Variants in CFAP52 observed in about 807,000 individuals in gnomAD.
CFAP52 encodes the protein cilia and flagella associated protein 52.
Under a neutral mutation model 70.5 loss-of-function variants are expected in CFAP52, and 57 were observed. The observed-to-expected ratio is 0.81, with a 90% CI of 0.65 to 1.01. The LOEUF is 1.01. Ranked by LOEUF, CFAP52 falls within the 50% of genes least tolerant of loss-of-function variation. CFAP52 has a pLI of 0.00. For synonymous variants in CFAP52, 267 were observed against 292.5 expected (o/e 0.91, Z 0.89); for missense variants, 785 against 788.5 (o/e 1.00, Z 0.05).
chr17:9,588,552 CT>C (rs1178907263), intron 3 of CFAP52, among the ~76,000 whole-genome samples: 4 of 152,122 alleles, frequency 2.6e-5, no homozygotes, highest in Admixed American at 6.5e-5. Context: ...CCCGAGTGTT[CT>C]TTCTGCTCAT....
intron 3 of CFAP52, among the ~76,000 whole-genome samples, chr17:9,588,299 AAG>A (rs1367085897): frequency 6.6e-6 from 1 of 152,104 alleles, no homozygotes; most frequent in Non-Finnish European, 1.5e-5. Context: ...CGCCCAGAGA[AAG>A]AGAGAGAGCC....
At chr17:9,576,824 A>G in intron 1 of CFAP52, 59 bp downstream of exon 1, 1 of 1,565,098 alleles carries the variant, frequency 6.4e-7, no homozygotes, top group Non-Finnish European at 8.7e-7. Flanking sequence ...CGTGTAGTGC[A>G]AACAGGAATA....
intron 6 of CFAP52, among the ~76,000 whole-genome samples, chr17:9,601,468 G>T (rs1909266867): frequency 6.6e-6 from 1 of 152,064 alleles, no homozygotes; most frequent in East Asian, 1.9e-4. Flanking sequence ...AAAGCATAGG[G>T]CCTATTGCTT....
intron 3 of CFAP52, 53 bp from the exon 4 acceptor site, chr17:9,594,140 A>T (rs1356253504): frequency 2.0e-6 from 3 of 1,523,986 alleles, no homozygotes; most frequent in Non-Finnish European, 1.8e-6. Context: ...TTCTTATTTT[A>T]AAAGCCTGTT....
At chr17:9,615,864 T>G (rs1305205421) in intron 8 of CFAP52, among the ~76,000 whole-genome samples, 1 of 134,736 alleles carries the variant, frequency 7.4e-6, no homozygotes, top group Admixed American at 8.7e-5. Flanking sequence ...GGTTTTCAAC[T>G]GCCATCCTCA....
chr17:9,612,762 T>C (rs1471192128), intron 8 of CFAP52, among the ~76,000 whole-genome samples: 2 of 152,130 alleles, frequency 1.3e-5, no homozygotes, highest in Admixed American at 6.6e-5. Context: ...CTTAATCCCA[T>C]CCAGAGAAAG....
chr17:9,630,316 C>T (rs923858661), intron 9 of CFAP52, among the ~76,000 whole-genome samples: 66 of 150,588 alleles, frequency 4.4e-4, no homozygotes, highest in African/African-American at 1.6e-3. Context: ...CGGTGGCTCA[C>T]GCCTGTAATC....
At chr17:9,597,020 C>T (rs1909049088) in intron 4 of CFAP52, among the ~76,000 whole-genome samples, 1 of 152,012 alleles carries the variant, frequency 6.6e-6, no homozygotes, top group Non-Finnish European at 1.5e-5. Context: ...GCCTGGCCCT[C>T]CTCCTCCTGT....
rs370454094 is a variant in CFAP52 at position 9,576,666 on chromosome 17, G to T, written c.-30G>T. 21 of 1,593,168 alleles carry T rather than the reference G, an allele frequency of 1.3e-5. 1 individual carries two copies. In the East Asian group the frequency reaches 1.4e-4, roughly 10 times the overall value. ...CAGAAGACGCTGCAGCCACTAGGGA[G>T]GAGAGCAAAGTAATCAGAACCTCCC... On this transcript the variant is annotated 5_prime_UTR_variant, in exon 1 of 14. It adds an upstream start codon to the 5' untranslated region. Transcript: ENST00000352665.
chr17:9,578,318 A>AACTG (rs1908058209), intron 1 of CFAP52, among the ~76,000 whole-genome samples: 1 of 152,190 alleles, frequency 6.6e-6, no homozygotes. Context: ...TTAAGTGGGA[A>AACTG]GCCTCAGTAA....
intron 12 of CFAP52, chr17:9,639,103 C>G (rs1347958873): frequency 5.1e-6 from 1 of 195,262 alleles, no homozygotes; most frequent in Non-Finnish European, 1.1e-5. Flanking sequence ...AGCTCCTCAT[C>G]TCTCAGCACT....
intron 9 of CFAP52, among the ~76,000 whole-genome samples, chr17:9,632,447 C>T (rs1384372065): frequency 6.6e-6 from 1 of 151,914 alleles, no homozygotes; most frequent in Non-Finnish European, 1.5e-5. Context: ...TTTTAAAAGG[C>T]CACACTGATC....
intron 12 of CFAP52, 105 bp from the exon 13 acceptor site, chr17:9,641,619 T>C: frequency 1.4e-6 from 1 of 724,362 alleles, no homozygotes; most frequent in East Asian, 2.7e-5. Flanking sequence ...TCCCGTGGTG[T>C]ATTTTTGCTC....
chr17:9,584,748 A>C (rs1448505276), intron 1 of CFAP52, among the ~76,000 whole-genome samples: 1 of 151,844 alleles, frequency 6.6e-6, no homozygotes, highest in Non-Finnish European at 1.5e-5. Flanking sequence ...CAGCCTCCCG[A>C]GTAGCTGGGA....
intron 4 of CFAP52, among the ~76,000 whole-genome samples, chr17:9,594,775 A>G (rs1486162240): frequency 1.3e-5 from 2 of 152,214 alleles, no homozygotes; most frequent in African/African-American, 4.8e-5. Flanking sequence ...AGCTTTAACC[A>G]GCTAATGGTG....
Position 9,643,413 on chromosome 17 carries a change from C to T in CFAP52, c.*215C>T. The T allele has an allele frequency of 2.4e-6, 1 of 410,100 alleles. No homozygotes were observed. Among genetic ancestry groups the T allele is most frequent in the Non-Finnish European group, 4.2e-6 (1 of 239,576 alleles). 25.4% of individuals were successfully genotyped at this position (410,100 alleles called of 1,614,324 possible). ...TAATTTGTGCAGACTCTAATTAGAA[C>T]TTTTAACATTTTGAATAAATTCTTA... On this transcript the variant is annotated 3_prime_UTR_variant, in exon 14 of 14. Transcript: ENST00000352665.
At chr17:9,608,980 C>T (rs1037523402) in intron 7 of CFAP52, among the ~76,000 whole-genome samples, 4 of 152,106 alleles carry the variant, frequency 2.6e-5, no homozygotes, top group African/African-American at 9.7e-5. Flanking sequence ...TTGTAGAGAT[C>T]AGAGAAGAGG....
At chr17:9,588,530 C>A (rs1477062858) in intron 3 of CFAP52, among the ~76,000 whole-genome samples, 1 of 152,118 alleles carries the variant, frequency 6.6e-6, no homozygotes, top group Non-Finnish European at 1.5e-5. Context: ...CATCTTCCAC[C>A]TGCCTACAGC....
chr17:9,624,113 C>T (rs942650323), intron 8 of CFAP52, among the ~76,000 whole-genome samples: 1 of 151,516 alleles, frequency 6.6e-6, no homozygotes, highest in Non-Finnish European at 1.5e-5. Context: ...AATATTTTTT[C>T]TTTGCTTTTG....
Sources: allele counts gnomAD v4.1 joint callset (sites outside exome capture counted in the v4.1 genomes callset), GRCh38; gene constraint gnomAD v4.1.1; transcripts MANE v1.5; gene names NCBI Gene and HGNC (gene_info 2026-07-23, HGNC 2026-07-21).